The following C10orf67 variants were observed in gnomAD, a reference collection of about 807,000 sequenced individuals.
C10orf67 encodes chromosome 10 open reading frame 67, also known as uncharacterized protein C10orf67, mitochondrial.
Under a neutral mutation model 35.6 loss-of-function variants are expected in C10orf67, and 60 were observed. That is an observed-to-expected ratio of 1.68 (90% confidence interval 1.37 to 2.09). The LOEUF (loss-of-function observed/expected upper bound fraction) is 2.09, where lower values mean the gene tolerates loss of function less well. C10orf67 is among the 30% of genes most tolerant of loss of function. The pLI is 0.00. For missense variants in C10orf67, 474 were observed against 330.2 expected, an observed-to-expected ratio of 1.44 and a Z score of -3.38; for synonymous variants, 167 against 115.8, an observed-to-expected ratio of 1.44 and a Z score of -2.84.
chr10:23,290,008 C>T lies in C10orf67; in HGVS notation c.851-50G>A, dbSNP rs191092178. 144 of 713,154 alleles carry T rather than the reference C, an allele frequency of 2.0e-4. No homozygotes were observed. In the African/African-American group the frequency reaches 2.3e-3, roughly 11 times the overall value. The allele number at this position is 713,154 out of a possible 1,614,324, so 44.2% of individuals were successfully genotyped here. A position where few individuals can be genotyped will look rare whatever the true frequency, so the allele number is the denominator to read the frequency against. On this transcript the variant is annotated intron_variant, in intron 6 of 15. Transcript: ENST00000636213. Reference sequence around the variant, plus strand: ...CAACCATGAAATTACATGCTTATGCCCCTGTATTTAAACGGCCTGCTTCAG... The same window carrying T: ...CAACCATGAAATTACATGCTTATGCTCCTGTATTTAAACGGCCTGCTTCAG...
chr10:23,260,970 C>T (rs940248930), intron 10 of C10orf67, among the ~76,000 whole-genome samples: 12 of 152,076 alleles, frequency 7.9e-5, no homozygotes, highest in Admixed American at 2.0e-4. Context: ...TAATTGAATT[C>T]GACTTGCAAA....
At chr10:23,228,922 A>G (rs1396093954) in intron 13 of C10orf67, among the ~76,000 whole-genome samples, 1 of 152,194 alleles carries the variant, frequency 6.6e-6, no homozygotes, top group African/African-American at 2.4e-5. Context: ...ATCATTAAAA[A>G]GCCAGGAAAC....
intron 10 of C10orf67, among the ~76,000 whole-genome samples, chr10:23,256,916 T>C (rs191234733): frequency 2.6e-5 from 4 of 152,286 alleles, no homozygotes; most frequent in African/African-American, 9.6e-5. Context: ...CAGTGGTTGA[T>C]GCTGTGAAGA....
At position 23,204,246 on chromosome 10, in the gene C10orf67, G is replaced by A. The variant is rs577025124; in HGVS notation, c.1580C>T (p.Ser527Leu). 1.5e-5 allele frequency: 10 copies of A among 651,618 alleles called. No individual in the cohort carries two copies. Among genetic ancestry groups the A allele is most frequent in the East Asian group, 3.0e-5 (1 of 33,104 alleles). 40.4% of individuals were successfully genotyped at this position (651,618 alleles called of 1,614,324 possible). ...CAAGGACTCTTCTTTTGGGGATTCC[G>A]ACAACTTCCCTAAACGTGAAGAAAG... The part of the protein sequence containing the change: ...ALQLSPKGKL[S>L]ESPKEESLEE... The change falls in exon 16 of 16, where the codon TCG becomes TTG. Residue 527 changes from serine to leucine, a missense_variant. Physicochemically the swap from Ser to Leu is moderately radical, Grantham distance 145. Coordinates refer to ENST00000636213, the MANE Select transcript of C10orf67 (RefSeq NM_001371909.1).
chr10:23,250,326 T>C (rs931307862), intron 12 of C10orf67, 129 bp downstream of exon 12: 1 of 393,534 alleles, frequency 2.5e-6, no homozygotes, highest in African/African-American at 2.1e-5. Flanking sequence ...ACCAATTATT[T>C]TGCATTTCTT....
At chr10:23,229,499 G>A (rs1588594309) in intron 13 of C10orf67, among the ~76,000 whole-genome samples, 1 of 151,800 alleles carries the variant, frequency 6.6e-6, no homozygotes, top group East Asian at 1.9e-4. Flanking sequence ...GAGTTAACGG[G>A]TGCAGCACAT....
At chr10:23,252,979 T>C (rs7070120) in intron 10 of C10orf67, among the ~76,000 whole-genome samples, 14,782 of 151,938 alleles carry the variant, frequency 0.097, 1,731 homozygotes, top group East Asian at 0.66. Flanking sequence ...AGCGAATGGG[T>C]CTCACAAGAT....
chr10:23,294,335 C>T (rs917579900), intron 5 of C10orf67, among the ~76,000 whole-genome samples: 18 of 151,996 alleles, frequency 1.2e-4, no homozygotes, highest in Non-Finnish European at 2.1e-4. Flanking sequence ...TTCAAAATGC[C>T]AGCTCCAATT....
chr10:23,288,469 G>A (rs1168434052), intron 7 of C10orf67, among the ~76,000 whole-genome samples: 2 of 152,126 alleles, frequency 1.3e-5, no homozygotes, highest in South Asian at 2.1e-4. Flanking sequence ...GGGCCTGTTG[G>A]GGGGCTGGGG....
chr10:23,268,753 C>T (rs1842946093), intron 8 of C10orf67, among the ~76,000 whole-genome samples: 1 of 152,198 alleles, frequency 6.6e-6, no homozygotes, highest in Non-Finnish European at 1.5e-5. Context: ...AGTGTACTTA[C>T]AGAAATATAG....
rs760624227 is a variant in C10orf67, at chr10:23,332,993, A to G, written c.327+69T>C. The G allele has an allele frequency of 2.0e-6, 3 of 1,464,870 alleles. No homozygotes were observed. The Admixed American group carries it at 6.3e-5, about 31-fold the overall frequency. 90.7% of individuals were successfully genotyped at this position (1,464,870 alleles called of 1,614,324 possible). A position where few individuals can be genotyped will look rare whatever the true frequency, so the allele number is the denominator to read the frequency against. ...AATTTTAATTATTTCACTTTTGTCT[A>G]TGAAAGAAACATGAAGGCAATTAAC... On this transcript the variant is annotated intron_variant, in intron 2 of 15. Transcript: ENST00000636213.
At chr10:23,294,936 AGT>A (rs1843835090) in intron 5 of C10orf67, among the ~76,000 whole-genome samples, 1 of 152,180 alleles carries the variant, frequency 6.6e-6, no homozygotes, top group Non-Finnish European at 1.5e-5. Context: ...GTAGGAAAAA[AGT>A]GTGTTTCATT....
At chr10:23,248,902 T>C (rs1414120246) in intron 12 of C10orf67, among the ~76,000 whole-genome samples, 2 of 151,906 alleles carry the variant, frequency 1.3e-5, no homozygotes, top group African/African-American at 4.8e-5. Flanking sequence ...ATTAATATGA[T>C]TGTCAACATC....
At chr10:23,245,314 G>T (rs1488662253) in intron 12 of C10orf67, among the ~76,000 whole-genome samples, 4 of 152,068 alleles carry the variant, frequency 2.6e-5, no homozygotes, top group Admixed American at 6.6e-5. Context: ...ATGATTTTTT[G>T]AATATAATAC....
At chr10:23,319,667 G>T (rs1844867944) in intron 4 of C10orf67, among the ~76,000 whole-genome samples, 1 of 152,146 alleles carries the variant, frequency 6.6e-6, no homozygotes, top group Non-Finnish European at 1.5e-5. Context: ...AACCTCACCA[G>T]CATCTGTTAT....
In C10orf67 at chr10:23,266,332, A is replaced by T; in HGVS notation, c.1130T>A (p.Met377Lys). 1 of 398,606 alleles carries T rather than the reference A, an allele frequency of 2.5e-6. No individual in the cohort carries two copies. Among genetic ancestry groups the T allele is most frequent in the Non-Finnish European group, 4.4e-6 (1 of 226,076 alleles). 24.7% of individuals were successfully genotyped at this position (398,606 alleles called of 1,614,324 possible). A position where few individuals can be genotyped will look rare whatever the true frequency, so the allele number is the denominator to read the frequency against. The change falls in exon 10 of 16, where the codon ATG becomes AAG. Residue 377 changes from methionine to lysine, a missense_variant. Physicochemically the swap from Met to Lys is moderately conservative, Grantham distance 95 (BLOSUM62 -1). Transcript: ENST00000636213. ...TTALRPHSAT[M>K]SVSSAGAQKA... ...CTGGGCCCCAGCAGATGATACACTC[A>T]TGGTCGCAGAATGTGGCCTCAAAGC...
At chr10:23,229,386 G>A (rs1237361963) in intron 13 of C10orf67, among the ~76,000 whole-genome samples, 2 of 136,704 alleles carry the variant, frequency 1.5e-5, no homozygotes, top group African/African-American at 5.5e-5. Context: ...TGAACAATGA[G>A]AACACTTGGA....
At chr10:23,276,060 G>T (rs1188730102) in intron 8 of C10orf67, among the ~76,000 whole-genome samples, 1 of 152,154 alleles carries the variant, frequency 6.6e-6, no homozygotes, top group African/African-American at 2.4e-5. Flanking sequence ...GGTGATTAAC[G>T]ATTCTGGTTT....
chr10:23,213,937 C>T (rs541320650), intron 15 of C10orf67, among the ~76,000 whole-genome samples: 1 of 151,270 alleles, frequency 6.6e-6, no homozygotes, highest in African/African-American at 2.4e-5. Context: ...AAAGTTATCA[C>T]TTTAAGTTGC....
Sources: allele counts gnomAD v4.1 joint callset (sites outside exome capture counted in the v4.1 genomes callset), GRCh38; gene constraint gnomAD v4.1.1; transcripts MANE v1.5; gene names NCBI Gene and HGNC (gene_info 2026-07-23, HGNC 2026-07-21).